ZNF589: variants seen among roughly 807,000 people sequenced by gnomAD.
ZNF589 encodes zinc finger protein 589, also known as KRAB-zinc finger protein SZF1-1.
In ZNF589, 17 loss-of-function variants were observed where a neutral mutation model predicts 13.6. That is an observed-to-expected ratio of 1.25 (90% CI 0.86 to 1.88). The LOEUF is 1.88. Ranked by LOEUF, ZNF589 falls within the 40% of genes most tolerant of loss-of-function variation. The probability of loss-of-function intolerance (pLI) is 0.00; values close to 1 mark genes in which losing one functional copy is unlikely to be tolerated. For synonymous variants in ZNF589, 148 were observed against 161.6 expected, an observed-to-expected ratio of 0.92 and a Z score of 0.64; for missense variants, 407 against 434.0, an observed-to-expected ratio of 0.94 and a Z score of 0.55.
Position 48,268,932 on chromosome 3 carries a change from A to C in ZNF589, c.*146A>C, listed in dbSNP as rs1054972676. 2.6e-5 allele frequency: 31 copies of C among 1,196,362 alleles called. 1 individual carries two copies. The South Asian group carries it at 4.5e-4, about 17-fold the overall frequency. The allele number at this position is 1,196,362 out of a possible 1,614,324, so 74.1% of individuals were successfully genotyped here. ...CACCAGTGGACACATTCAGAGGTGAAACCTCACGTGTGTGAGGAGTGTGGG... is the reference window on the plus strand; with the variant it reads ...CACCAGTGGACACATTCAGAGGTGACACCTCACGTGTGTGAGGAGTGTGGG... On this transcript the variant is annotated 3_prime_UTR_variant, in exon 4 of 4. Transcript: ENST00000354698.
At chr3:48,254,921 T>A (rs1432339831) in intron 2 of ZNF589, among the ~76,000 whole-genome samples, 2 of 152,128 alleles carry the variant, frequency 1.3e-5, no homozygotes, top group African/African-American at 4.8e-5. Flanking sequence ...TCATGTCATC[T>A]GTGAACAAAG....
At position 48,268,941 on chromosome 3, in the gene ZNF589, T is replaced by C; in HGVS notation, c.*155T>C. ...ACACATTCAGAGGTGAAACCTCACG[T>C]GTGTGAGGAGTGTGGGCATGGATTT... On this transcript the variant is annotated 3_prime_UTR_variant, in exon 4 of 4. Coordinates refer to ENST00000354698, the MANE Select transcript of ZNF589 (RefSeq NM_016089.3). 1.8e-6 allele frequency: 2 copies of C among 1,109,232 alleles called. No individual in the cohort carries two copies. The highest frequency in any genetic ancestry group is 1.3e-6 in the Non-Finnish European group (1 of 771,452). 68.7% of individuals were successfully genotyped at this position (1,109,232 alleles called of 1,614,324 possible). A position where few individuals can be genotyped will look rare whatever the true frequency, so the allele number is the denominator to read the frequency against.
At chr3:48,248,100 T>A (rs1249283227) in intron 2 of ZNF589, among the ~76,000 whole-genome samples, 1 of 152,238 alleles carries the variant, frequency 6.6e-6, no homozygotes, top group African/African-American at 2.4e-5. Flanking sequence ...AAGAGTTAAC[T>A]CTTCTGTATC....
intron 3 of ZNF589, among the ~76,000 whole-genome samples, chr3:48,262,037 A>G (rs2033973001): frequency 6.6e-6 from 1 of 152,202 alleles, no homozygotes; most frequent in Non-Finnish European, 1.5e-5. Flanking sequence ...TATCCATTTC[A>G]GGTGTTAAAC....
chr3:48,267,897 G>T lies in ZNF589; in HGVS notation c.224-18G>T. 2.5e-6 allele frequency: 4 copies of T among 1,589,688 alleles called. No individual in the cohort carries two copies. Among genetic ancestry groups the T allele is most frequent in the South Asian group, 1.1e-5 (1 of 88,842 alleles). On this transcript the variant is annotated intron_variant, in intron 3 of 3. Coordinates refer to ENST00000354698, the MANE Select transcript of ZNF589 (RefSeq NM_016089.3). ...GCCCTTCCTATGACTCTTCTGACTG[G>T]AAACTTTCTTTCTTCAGCAGAATCA... is the stretch of plus-strand genomic sequence containing the variant.
At position 48,247,627 on chromosome 3, in the gene ZNF589, C is replaced by T. The variant is rs751926918; in HGVS notation, c.46C>T (p.Leu16=). ...AGGTTGCTTCTTTCTTTCCCCAGCT[C>T]TGCCTGCCAAGGATTCTGCCTGGCC... The part of the protein sequence containing the change: ...EQLLGWTAEA[L]PAKDSAWPWE... The change falls in exon 2 of 4, where the codon CTG becomes TTG. Residue 16 remains leucine, a splice_region_variant and synonymous_variant. Coordinates refer to ENST00000354698, the MANE Select transcript of ZNF589 (RefSeq NM_016089.3). 3.1e-6 allele frequency: 5 copies of T among 1,612,186 alleles called. No homozygotes were observed. The highest frequency in any genetic ancestry group is 3.4e-6 in the Non-Finnish European group (4 of 1,179,196).
Position 48,241,364 on chromosome 3 carries a change from G to T in ZNF589, c.43+150G>T, listed in dbSNP as rs996927579. ...TACAGCGGCTCTTACTCCCCTGGGGGGCCAGGTTCCTCCCTAGGTGTCCCG... is the reference window on the plus strand; with the variant it reads ...TACAGCGGCTCTTACTCCCCTGGGGTGCCAGGTTCCTCCCTAGGTGTCCCG... On this transcript the variant is annotated intron_variant, in intron 1 of 3. Transcript: ENST00000354698. 3.1e-6 allele frequency: 3 copies of T among 978,944 alleles called. No individual in the cohort carries two copies. The African/African-American group carries it at 4.9e-5, about 16-fold the overall frequency. 60.6% of individuals were successfully genotyped at this position (978,944 alleles called of 1,614,324 possible).
At chr3:48,259,602 ATCAGAGGCAGC>A (rs1478737224) in intron 2 of ZNF589, among the ~76,000 whole-genome samples, 3 of 152,208 alleles carry the variant, frequency 2.0e-5, no homozygotes, top group Non-Finnish European at 4.4e-5. Flanking sequence ...ACTCAGGGTA[ATCAGAGGCAGC>A]TGGGAATAAT....
intron 1 of ZNF589, among the ~76,000 whole-genome samples, chr3:48,247,305 T>C (rs952488634): frequency 1.3e-5 from 2 of 151,748 alleles, no homozygotes; most frequent in African/African-American, 4.9e-5. Flanking sequence ...AACATGTAAC[T>C]AGAGTCACAT....
intron 2 of ZNF589, among the ~76,000 whole-genome samples, chr3:48,254,581 T>C (rs939971985): frequency 6.6e-6 from 1 of 152,050 alleles, no homozygotes; most frequent in African/African-American, 2.4e-5. Context: ...TAATACTGAG[T>C]CTAACTATCC....
chr3:48,255,529 C>G (rs1014757759), intron 2 of ZNF589, among the ~76,000 whole-genome samples: 2 of 116,422 alleles, frequency 1.7e-5, no homozygotes. Flanking sequence ...AAGTCTCGCT[C>G]TTTCTCCAGG....
intron 3 of ZNF589, 25 bp downstream of exon 3, chr3:48,260,964 T>G (rs1288836904): frequency 6.2e-7 from 1 of 1,612,886 alleles, no homozygotes. Flanking sequence ...TCTTCCTTCA[T>G]TTTTCCATTC....
intron 2 of ZNF589, among the ~76,000 whole-genome samples, chr3:48,250,683 G>A (rs914777274): frequency 4.6e-5 from 7 of 152,094 alleles, no homozygotes; most frequent in Non-Finnish European, 7.4e-5. Flanking sequence ...TGTTGGCCAG[G>A]CTGGTCTCGA....
intron 1 of ZNF589, among the ~76,000 whole-genome samples, chr3:48,245,953 A>AG (rs1172768083): frequency 6.6e-6 from 1 of 151,988 alleles, no homozygotes; most frequent in African/African-American, 2.4e-5. Flanking sequence ...TCTCAAAAAA[A>AG]AAAAAACAGA....
At position 48,241,129 on chromosome 3, in the gene ZNF589, G is replaced by A. The variant is rs746251601; in HGVS notation, c.-43G>A. The A allele has an allele frequency of 6.2e-7, 1 of 1,611,952 alleles. No individual in the cohort carries two copies. The highest frequency in any genetic ancestry group is 1.1e-5 in the South Asian group (1 of 90,968). On this transcript the variant is annotated 5_prime_UTR_variant, in exon 1 of 4. Coordinates refer to ENST00000354698, the MANE Select transcript of ZNF589 (RefSeq NM_016089.3). ...GCGCATTCTAATCCGTTTCACACAC[G>A]GTGCTGCTACCTCGTTTGCTTCGTG...
chr3:48,256,393 C>G, intron 2 of ZNF589: 1 of 564,836 alleles, frequency 1.8e-6, no homozygotes. Flanking sequence ...GACATTGTCC[C>G]TCAGGAGGGT....
At chr3:48,243,998 C>G (rs1287897419) in intron 1 of ZNF589, among the ~76,000 whole-genome samples, 2 of 152,116 alleles carry the variant, frequency 1.3e-5, no homozygotes, top group African/African-American at 2.4e-5. Flanking sequence ...AGCACCTGTT[C>G]CCTTTTTGGA....
At chr3:48,262,829 G>C (rs1305442829) in intron 3 of ZNF589, among the ~76,000 whole-genome samples, 1 of 152,084 alleles carries the variant, frequency 6.6e-6, no homozygotes, top group East Asian at 1.9e-4. Context: ...ATAGTTTTGA[G>C]CTTTACCAAG....
intron 2 of ZNF589, chr3:48,256,943 A>G (rs1293879026): frequency 1.5e-5 from 10 of 653,596 alleles, no homozygotes; most frequent in Non-Finnish European, 2.8e-5. Flanking sequence ...CGCCATCTTG[A>G]AAAACCAACC....
Sources: allele counts gnomAD v4.1 joint callset (sites outside exome capture counted in the v4.1 genomes callset), GRCh38; gene constraint gnomAD v4.1.1; transcripts MANE v1.5; gene names NCBI Gene and HGNC (gene_info 2026-07-23, HGNC 2026-07-21).